UBR3: variants seen among roughly 807,000 people sequenced by gnomAD.
The protein encoded by UBR3 is ubiquitin protein ligase E3 component n-recognin 3, also known as E3 ubiquitin-protein ligase UBR3.
A neutral mutation model predicts 243.2 loss-of-function variants in UBR3; 85 were observed. That is an observed-to-expected ratio of 0.35 (90% CI 0.29 to 0.42). UBR3 has a LOEUF of 0.42. UBR3 is among the 10% of genes least tolerant of loss of function. The probability of loss-of-function intolerance (pLI) is 1.00; values close to 1 mark genes in which losing one functional copy is unlikely to be tolerated. For synonymous variants in UBR3, 748 were observed against 799.8 expected (o/e 0.94, Z 1.09); for missense variants, 1,686 against 2,300.8 (o/e 0.73, Z 5.47).
At chr2:170,046,563 A>G (rs758836409) in intron 32 of UBR3, among the ~76,000 whole-genome samples, 7 of 152,210 alleles carry the variant, frequency 4.6e-5, no homozygotes, top group Non-Finnish European at 8.8e-5. Flanking sequence ...TCTTTTTACA[A>G]AAATACTTCA....
At chr2:169,828,571 C>T (rs1413073886) in intron 1 of UBR3, among the ~76,000 whole-genome samples, 4 of 151,782 alleles carry the variant, frequency 2.6e-5, no homozygotes, top group South Asian at 2.1e-4. Flanking sequence ...TCTGAACTGC[C>T]AGTGTGTCTG....
chr2:169,960,544 C>T (rs78341393), intron 24 of UBR3, among the ~76,000 whole-genome samples: 2 of 152,118 alleles, frequency 1.3e-5, no homozygotes, highest in East Asian at 3.9e-4. Context: ...CTTTCTCTCT[C>T]TCTTCTTTAC....
chr2:169,947,802 A>G (rs2086845339), intron 22 of UBR3, 87 bp downstream of exon 22: 2 of 1,255,470 alleles, frequency 1.6e-6, no homozygotes, highest in Non-Finnish European at 2.0e-6. Context: ...AATATCCAAA[A>G]GAAAAAAAAA....
At chr2:169,936,519 T>TATC (rs2086337703) in intron 19 of UBR3, among the ~76,000 whole-genome samples, 2 of 138,386 alleles carry the variant, frequency 1.4e-5, no homozygotes, top group South Asian at 4.6e-4. Context: ...GTTTTCTTTT[T>TATC]ATTATTATTA....
At chr2:170,061,785 A>G (rs1229444013) in intron 35 of UBR3, among the ~76,000 whole-genome samples, 1 of 152,140 alleles carries the variant, frequency 6.6e-6, no homozygotes, top group African/African-American at 2.4e-5. Context: ...TTTTTATAAT[A>G]AGCTATTTTG....
rs146725655 is a variant in UBR3 at position 170,030,652 on chromosome 2, G to A, written c.4556+1204G>A. ...TAAATTATCTTTGTCATTAGAATAT[G>A]TACTTCTAGGGATGTATAGTCAAAA... is the stretch of plus-strand genomic sequence containing the variant. On this transcript the variant is annotated intron_variant, in intron 31 of 38. Transcript: ENST00000272793. Among the ~76,000 whole-genome samples, 162 of 152,072 alleles carry A rather than the reference G, an allele frequency of 1.1e-3. 5 individuals carry two copies. In the East Asian group the frequency reaches 0.019, roughly 18 times the overall value.
At chr2:170,014,443 T>C (rs1439835397) in intron 29 of UBR3, 10 of 151,772 alleles carry the variant, frequency 6.6e-5, no homozygotes, top group African/African-American at 2.2e-4. Context: ...AATAAAGGTA[T>C]GTCTAAGTGT....
intron 1 of UBR3, among the ~76,000 whole-genome samples, chr2:169,871,424 A>C (rs936185387): frequency 4.0e-5 from 6 of 151,852 alleles, no homozygotes; most frequent in Admixed American, 6.6e-5. Context: ...GGAAAAAAAA[A>C]AAAAAACAGT....
intron 24 of UBR3, among the ~76,000 whole-genome samples, chr2:169,969,036 T>C (rs2087960346): frequency 6.6e-6 from 1 of 152,224 alleles, no homozygotes; most frequent in South Asian, 2.1e-4. Context: ...CATTTTCAAA[T>C]TGGATTATTT....
intron 33 of UBR3, among the ~76,000 whole-genome samples, chr2:170,058,452 T>C (rs1291306135): frequency 6.6e-6 from 1 of 151,990 alleles, no homozygotes; most frequent in Non-Finnish European, 1.5e-5. Context: ...TACTAGAATT[T>C]CTTTTCTTTT....
intron 24 of UBR3, among the ~76,000 whole-genome samples, chr2:169,976,374 A>G (rs2088444913): frequency 6.7e-6 from 1 of 150,012 alleles, no homozygotes; most frequent in Non-Finnish European, 1.5e-5. Flanking sequence ...TCATTTTTTC[A>G]TGATGGTGAT....
At chr2:169,892,477 T>A (rs543427038) in intron 6 of UBR3, among the ~76,000 whole-genome samples, 1 of 152,318 alleles carries the variant, frequency 6.6e-6, no homozygotes, top group Admixed American at 6.5e-5. Flanking sequence ...TAAGTTAAAG[T>A]GTTTTTTTCT....
intron 24 of UBR3, among the ~76,000 whole-genome samples, chr2:169,985,828 C>CT (rs1186663269): frequency 1.3e-5 from 2 of 151,998 alleles, no homozygotes; most frequent in South Asian, 2.1e-4. Flanking sequence ...CTAAACTTGA[C>CT]TTTTTTCTCA....
chr2:169,833,381 C>T (rs2081996444), intron 1 of UBR3, among the ~76,000 whole-genome samples: 1 of 152,172 alleles, frequency 6.6e-6, no homozygotes, highest in African/African-American at 2.4e-5. Context: ...GCTTGTTCTT[C>T]CTCACATATT....
At chr2:169,994,861 C>G (rs11678058) in intron 26 of UBR3, among the ~76,000 whole-genome samples, 81,198 of 151,900 alleles carry the variant, frequency 0.53, 22,361 homozygotes, top group Non-Finnish European at 0.62. Context: ...CCAGTTCTTC[C>G]TACTTCTCAA....
chr2:169,900,698 CT>C (rs1174786764), intron 8 of UBR3, among the ~76,000 whole-genome samples: 1 of 150,874 alleles, frequency 6.6e-6, no homozygotes, highest in Non-Finnish European at 1.5e-5. Flanking sequence ...TGCATTTGGC[CT>C]TTAAGGGAGA....
chr2:169,957,301 A>G (rs187631205), intron 23 of UBR3, among the ~76,000 whole-genome samples: 2 of 152,078 alleles, frequency 1.3e-5, no homozygotes, highest in Admixed American at 1.3e-4. Context: ...AGTTGCAATT[A>G]AAATATTCTT....
chr2:170,031,700 C>T (rs540591073), intron 31 of UBR3, among the ~76,000 whole-genome samples: 5 of 152,154 alleles, frequency 3.3e-5, no homozygotes, highest in African/African-American at 4.8e-5. Flanking sequence ...TAGTAGTCCT[C>T]AGTGCCTGTT....
At chr2:169,833,375 G>C (rs2081996308) in intron 1 of UBR3, among the ~76,000 whole-genome samples, 1 of 152,140 alleles carries the variant, frequency 6.6e-6, no homozygotes, top group Non-Finnish European at 1.5e-5. Context: ...CTCCTTGCTT[G>C]TTCTTCCTCA....
Sources: gnomAD v4.1 joint callset for allele counts (sites outside exome capture counted in the v4.1 genomes callset) on GRCh38, gnomAD v4.1.1 for gene constraint, MANE v1.5 for transcripts, NCBI Gene and HGNC (gene_info 2026-07-23, HGNC 2026-07-21) for gene names.